The following CSMD1 variants were observed in gnomAD, a reference collection of about 807,000 sequenced individuals.
CSMD1 encodes the protein CUB and Sushi multiple domains 1, also known as CUB and sushi domain-containing protein 1.
In CSMD1, 213 loss-of-function variants were observed where a neutral mutation model predicts 417.5. The observed-to-expected ratio is 0.51, with a 90% CI of 0.46 to 0.57. The LOEUF (loss-of-function observed/expected upper bound fraction) is 0.57. CSMD1 is among the 20% of genes least tolerant of loss of function. The pLI is 0.00. For synonymous variants in CSMD1, 2,862 were observed against 1,736.8 expected (o/e 1.65, Z -16.11); for missense variants, 6,923 against 4,529.7 (o/e 1.53, Z -15.17).
intron 11 of CSMD1, among the ~76,000 whole-genome samples, chr8:3,491,194 A>G (rs1019990593): frequency 3.3e-5 from 5 of 152,156 alleles, no homozygotes; most frequent in Non-Finnish European, 7.3e-5. Flanking sequence ...GGTAAAAAGC[A>G]TGGTAGGTCC....
At chr8:4,310,814 T>C (rs1798520567) in intron 3 of CSMD1, among the ~76,000 whole-genome samples, 1 of 152,186 alleles carries the variant, frequency 6.6e-6, no homozygotes, top group Non-Finnish European at 1.5e-5. Flanking sequence ...GATCTCACCT[T>C]TGCTTATTTC....
intron 12 of CSMD1, among the ~76,000 whole-genome samples, chr8:3,438,350 C>T (rs1245999271): frequency 2.6e-5 from 4 of 152,158 alleles, no homozygotes; most frequent in African/African-American, 9.7e-5. Context: ...GACGTTGAAA[C>T]AGGTGAGATA....
intron 1 of CSMD1, among the ~76,000 whole-genome samples, chr8:4,811,865 C>T (rs140734687): frequency 6.6e-5 from 10 of 152,144 alleles, no homozygotes; most frequent in Admixed American, 6.5e-4. Flanking sequence ...ATCAGTGCCA[C>T]AGCTGCCTCA....
At chr8:4,746,824 G>C (rs1262687028) in intron 1 of CSMD1, among the ~76,000 whole-genome samples, 1 of 152,176 alleles carries the variant, frequency 6.6e-6, no homozygotes, top group Non-Finnish European at 1.5e-5. Flanking sequence ...CTCTCTCAGA[G>C]AAAAATAGTG....
At chr8:4,762,630 A>G (rs1414508150) in intron 1 of CSMD1, among the ~76,000 whole-genome samples, 1 of 152,102 alleles carries the variant, frequency 6.6e-6, no homozygotes, top group Admixed American at 6.6e-5. Context: ...GCATTTGCAT[A>G]GGACGCAGCG....
chr8:3,726,012 C>G (rs906256721), intron 6 of CSMD1, among the ~76,000 whole-genome samples: 1 of 152,160 alleles, frequency 6.6e-6, no homozygotes, highest in Non-Finnish European at 1.5e-5. Context: ...ACTGCAAGTT[C>G]CTGCTGGCTC....
rs879885700 is a variant in CSMD1 at position 4,994,541 on chromosome 8, G to T, written c.-125C>A. 1.1e-5 allele frequency: 9 copies of T among 844,724 alleles called. No homozygotes were observed. The highest frequency in any genetic ancestry group is 1.7e-5 in the Non-Finnish European group (9 of 534,262). The allele number at this position is 844,724 out of a possible 1,614,324, so 52.3% of individuals were successfully genotyped here. The stretch of plus-strand genomic sequence containing the variant: ...GAGAGAGAGCCCGGTCCCAAGACCC[G>T]CCGCGCATCCGACGCCTCCTGAAGG... On this transcript the variant is annotated 5_prime_UTR_variant, in exon 1 of 70. Coordinates refer to ENST00000635120, the MANE Select transcript of CSMD1 (RefSeq NM_033225.6).
At chr8:3,036,289 T>C (rs1289464834) in intron 50 of CSMD1, among the ~76,000 whole-genome samples, 3 of 152,228 alleles carry the variant, frequency 2.0e-5, no homozygotes, top group African/African-American at 4.8e-5. Flanking sequence ...TAAAGCCCTT[T>C]GCCCTTCTCT....
At chr8:4,059,956 A>C (rs184598912) in intron 3 of CSMD1, among the ~76,000 whole-genome samples, 2,342 of 152,186 alleles carry the variant, frequency 0.015, 62 homozygotes, top group African/African-American at 0.053. Flanking sequence ...GGCCAGCATC[A>C]TCCTGATACC....
intron 3 of CSMD1, among the ~76,000 whole-genome samples, chr8:4,284,225 G>A: frequency 6.6e-6 from 1 of 151,896 alleles, no homozygotes; most frequent in East Asian, 1.9e-4. Context: ...AAAATTAGCT[G>A]GGCGTGGTGG....
Position 4,048,035 on chromosome 8 carries a change from A to G in CSMD1, c.416-15936T>C, listed in dbSNP as rs371614447. On this transcript the variant is annotated intron_variant, in intron 3 of 69. Coordinates refer to ENST00000635120, the MANE Select transcript of CSMD1 (RefSeq NM_033225.6). ...GAGATCAAACCGTTTTGCCCACTAAAATGACATGTAGAATTCATTCTTTTC... is the reference window on the plus strand; with the variant it reads ...GAGATCAAACCGTTTTGCCCACTAAGATGACATGTAGAATTCATTCTTTTC... Among the ~76,000 whole-genome samples, 169 of 151,590 alleles carry G rather than the reference A, an allele frequency of 1.1e-3. 2 individuals are homozygous for G. Among genetic ancestry groups the G allele is most frequent in the African/African-American group, 4.0e-3 (167 of 41,516 alleles).
chr8:4,200,592 C>A (rs1041210814), intron 3 of CSMD1, among the ~76,000 whole-genome samples: 1 of 152,140 alleles, frequency 6.6e-6, no homozygotes, highest in Non-Finnish European at 1.5e-5. Context: ...CCTGGAGGCT[C>A]ATGCCTGAAA....
chr8:3,831,039 G>A (rs1429901797), intron 5 of CSMD1, among the ~76,000 whole-genome samples: 4 of 152,082 alleles, frequency 2.6e-5, no homozygotes, highest in African/African-American at 4.8e-5. Flanking sequence ...CTTAATGCGC[G>A]AACAGGGTTT....
chr8:3,378,695 A>G (rs1162364749), intron 18 of CSMD1, among the ~76,000 whole-genome samples: 1 of 152,198 alleles, frequency 6.6e-6, no homozygotes, highest in African/African-American at 2.4e-5. Context: ...ATAAACTTCA[A>G]CACCCCTTCA....
intron 10 of CSMD1, among the ~76,000 whole-genome samples, chr8:3,496,457 G>C (rs935540501): frequency 6.6e-6 from 1 of 152,204 alleles, no homozygotes; most frequent in African/African-American, 2.4e-5. Context: ...AGCTAGGAGT[G>C]TTTATTTGAA....
chr8:3,798,037 G>C (rs772679781), intron 5 of CSMD1, among the ~76,000 whole-genome samples: 3 of 151,868 alleles, frequency 2.0e-5, no homozygotes, highest in Non-Finnish European at 2.9e-5. Flanking sequence ...GTGCTTTTTT[G>C]ACCATTTTTA....
intron 3 of CSMD1, among the ~76,000 whole-genome samples, chr8:4,410,040 T>C (rs944702954): frequency 1.3e-5 from 2 of 152,072 alleles, no homozygotes; most frequent in Admixed American, 1.3e-4. Context: ...TATCAAACTC[T>C]TGACCTTGTG....
intron 40 of CSMD1, among the ~76,000 whole-genome samples, chr8:3,148,093 G>C (rs1818955653): frequency 6.6e-6 from 1 of 152,162 alleles, no homozygotes; most frequent in Admixed American, 6.5e-5. Flanking sequence ...CCTTTTCTGA[G>C]TTGTAACCAC....
At chr8:4,342,205 CTGTGTGTG>C (rs58235838) in intron 3 of CSMD1, among the ~76,000 whole-genome samples, 9,910 of 150,664 alleles carry the variant, frequency 0.066, 1,036 homozygotes, top group African/African-American at 0.23. Flanking sequence ...AGTGCTGTGT[CTGTGTGTG>C]TGTGTGTGTG....
Sources: gnomAD v4.1 joint callset for allele counts (sites outside exome capture counted in the v4.1 genomes callset) on GRCh38, gnomAD v4.1.1 for gene constraint, MANE v1.5 for transcripts, NCBI Gene and HGNC (gene_info 2026-07-23, HGNC 2026-07-21) for gene names.